MYH3: variants seen among roughly 807,000 people sequenced by gnomAD.
MYH3 encodes the protein myosin heavy chain 3.
MYH3 carries 130 observed loss-of-function variants against 238.0 expected under a neutral mutation model. The ratio of observed to expected loss-of-function variants is 0.55; its 90% CI spans 0.47 to 0.63. The LOEUF is 0.63. Ranked by LOEUF, MYH3 falls within the 30% of genes least tolerant of loss-of-function variation. MYH3 has a pLI of 0.00. For missense variants in MYH3, 1,853 were observed against 2,374.9 expected (o/e 0.78, Z 4.57); for synonymous variants, 880 against 924.1 (o/e 0.95, Z 0.86).
intron 1 of MYH3, among the ~76,000 whole-genome samples, chr17:10,656,603 G>T (rs879520502): frequency 1.6e-5 from 2 of 121,554 alleles, no homozygotes; most frequent in Non-Finnish European, 3.9e-5. Flanking sequence ...TGGAAGAGCA[G>T]ATGGGACGTG....
chr17:10,666,561 G>C, the MYH3 span, among the ~76,000 whole-genome samples: 1 of 141,820 alleles, frequency 7.1e-6, no homozygotes, highest in African/African-American at 2.6e-5. Flanking sequence ...GGGCAACAGA[G>C]TGAGACCTTG....
Position 10,633,622 on chromosome 17 carries a change from G to C in MYH3, c.4616C>G (p.Ala1539Gly). The change falls in exon 33 of 41, where the codon GCT becomes GGT. Residue 1539 changes from alanine to glycine, a missense_variant. Coordinates refer to ENST00000583535, the MANE Select transcript of MYH3 (RefSeq NM_002470.4). ...TTCCTCGAGAGCCAGCTGGATATCAGCCTTTTCCAGCTCAATCTGCTTTCT... is the reference window on the plus strand; with the variant it reads ...TTCCTCGAGAGCCAGCTGGATATCACCCTTTTCCAGCTCAATCTGCTTTCT... The part of the protein sequence containing the change: ...KSRKQIELEK[A>G]DIQLALEEAE... 1 of 1,613,734 alleles carries C rather than the reference G, an allele frequency of 6.2e-7. No homozygotes were observed. The highest frequency in any genetic ancestry group is 8.5e-7 in the Non-Finnish European group (1 of 1,179,930).
chr17:10,667,299 A>G, the MYH3 span, among the ~76,000 whole-genome samples: 1 of 152,226 alleles, frequency 6.6e-6, no homozygotes, highest in African/African-American at 2.4e-5. Flanking sequence ...CATAATAGTA[A>G]AAGATTGGAA....
At position 10,644,682 on chromosome 17, in the gene MYH3, G is replaced by T. The variant is rs2074304007; in HGVS notation, c.1162C>A (p.Leu388Met). ...GTEVADKTAY[L>M]MGLNSSDLLK... ...AGGTCCGAAGAGTTCAGGCCCATCA[G>T]ATAGGCTGTTTTGTCAGCCACTGGC... Residue 388 changes from leucine to methionine, a missense_variant, in exon 13 of 41, where the codon CTG (leucine) becomes ATG (methionine). Transcript: ENST00000583535. 1 of 1,613,850 alleles carries T rather than the reference G, an allele frequency of 6.2e-7. No homozygotes were observed. Among genetic ancestry groups the T allele is most frequent in the African/African-American group, 1.3e-5 (1 of 75,068 alleles).
At position 10,639,317 on chromosome 17, in the gene MYH3, A is replaced by T. The variant is rs773838168; in HGVS notation, c.3083T>A (p.Leu1028Gln). 6.2e-7 allele frequency: 1 copy of T among 1,614,020 alleles called. No homozygotes were observed. Among genetic ancestry groups the T allele is most frequent in the Admixed American group, 1.7e-5 (1 of 60,020 alleles). ...ACTTACGTCTTCCACTTGCTGTTCCAGTTTGCTCTTGGTTTTGTTCAAAGA... is the reference window on the plus strand; with the variant it reads ...ACTTACGTCTTCCACTTGCTGTTCCTGTTTGCTCTTGGTTTTGTTCAAAGA... Reference protein sequence around the residue: ...VNSLNKTKSKLEQQVEDLESS... With the variant: ...VNSLNKTKSKQEQQVEDLESS... Residue 1028 changes from leucine to glutamine, a missense_variant, in exon 24 of 41, where the codon CTG becomes CAG. This residue lies in a region of MYH3 where 1,044 missense variants were observed against 1,192.6 expected (regional missense o/e 0.88). Transcript: ENST00000583535.
chr17:10,628,558 G>A lies in MYH3; in HGVS notation c.*95C>T. The A allele has an allele frequency of 2.1e-6, 3 of 1,399,526 alleles. No individual in the cohort carries two copies. Among genetic ancestry groups the A allele is most frequent in the Non-Finnish European group, 3.0e-6 (3 of 984,908 alleles). The allele number at this position is 1,399,526 out of a possible 1,614,324, so 86.7% of individuals were successfully genotyped here. A position where few individuals can be genotyped will look rare whatever the true frequency, so the allele number is the denominator to read the frequency against. On this transcript the variant is annotated 3_prime_UTR_variant, in exon 41 of 41. Transcript: ENST00000583535. ...TGAAACAAAGCAAAGTTTATTGCAT[G>A]TGAAAAAGAGTCACATGGACATTAA...
At position 10,641,200 on chromosome 17, in the gene MYH3, C is replaced by G; in HGVS notation, c.2050G>C (p.Ala684Pro). 1.2e-6 allele frequency: 2 copies of G among 1,613,658 alleles called. No homozygotes were observed. The highest frequency in any genetic ancestry group is 1.3e-5 in the African/African-American group (1 of 75,030). Residue 684 changes from alanine to proline, a missense_variant and splice_region_variant, in exon 19 of 41, where the codon GCT becomes CCT. Coordinates refer to ENST00000583535, the MANE Select transcript of MYH3 (RefSeq NM_002470.4). The stretch of plus-strand genomic sequence containing the variant: ...TGCAGAACAAGGCTGTGTTCCATAG[C>G]CCCTGGGAACAGAAGCGAGATATCA... Reference protein sequence around the residue: ...IIPNETKTPGAMEHSLVLHQL... With the variant: ...IIPNETKTPGPMEHSLVLHQL...
intron 28 of MYH3, among the ~76,000 whole-genome samples, chr17:10,637,417 T>C (rs939330326): frequency 2.6e-5 from 4 of 152,138 alleles, no homozygotes; most frequent in Non-Finnish European, 5.9e-5. Context: ...TTTCTCTCTT[T>C]AGTCTCAAAA....
Position 10,641,052 on chromosome 17 carries a change from T to G in MYH3, c.2165+33A>C, listed in dbSNP as rs1453300974. On this transcript the variant is annotated intron_variant, in intron 19 of 40. Coordinates refer to ENST00000583535, the MANE Select transcript of MYH3 (RefSeq NM_002470.4). ...CAAATTCCAGTGTTCGTACATCTCA[T>G]CCCCAAGCATATAGAACATGTTTAT... The G allele has an allele frequency of 7.5e-6, 11 of 1,471,670 alleles. 1 individual carries two copies. The Admixed American group carries it at 1.8e-4, about 25-fold the overall frequency. The allele number at this position is 1,471,670 out of a possible 1,614,324, so 91.2% of individuals were successfully genotyped here.
chr17:10,641,747 C>T (rs2074275063), intron 17 of MYH3, among the ~76,000 whole-genome samples: 1 of 152,130 alleles, frequency 6.6e-6, no homozygotes, highest in African/African-American at 2.4e-5. Flanking sequence ...ATCTTCTGAC[C>T]TTGTGATCTG....
chr17:10,648,476 C>A, intron 8 of MYH3, 81 bp downstream of exon 8: 4 of 1,169,778 alleles, frequency 3.4e-6, no homozygotes, highest in South Asian at 1.2e-5. Flanking sequence ...TGCCTCTGGT[C>A]TCTACACTCT....
At chr17:10,662,784 C>T in the MYH3 span, among the ~76,000 whole-genome samples, 1 of 152,104 alleles carries the variant, frequency 6.6e-6, no homozygotes, top group African/African-American at 2.4e-5. Flanking sequence ...AGTTATTTTT[C>T]GGTAATATAA....
At chr17:10,673,377 G>A in the MYH3 span, 1 of 152,146 alleles carries the variant, frequency 6.6e-6, no homozygotes, top group African/African-American at 2.4e-5. Context: ...GTGAATGACT[G>A]TCTTGTGCTG....
chr17:10,653,131 C>T (rs561587256), intron 3 of MYH3, among the ~76,000 whole-genome samples: 10 of 152,126 alleles, frequency 6.6e-5, no homozygotes, highest in African/African-American at 2.2e-4. Context: ...AGACGGATGT[C>T]GGAAATGAGA....
chr17:10,644,296 A>G, intron 14 of MYH3, 55 bp downstream of exon 14: 1 of 1,581,330 alleles, frequency 6.3e-7, no homozygotes, highest in Non-Finnish European at 8.7e-7. Context: ...AGGATCATGA[A>G]ACCAATTTCC....
At position 10,652,485 on chromosome 17, in the gene MYH3, T is replaced by A; in HGVS notation, c.283A>T (p.Thr95Ser). 6.2e-7 allele frequency: 1 copy of A among 1,614,084 alleles called. No homozygotes were observed. Among genetic ancestry groups the A allele is most frequent in the Non-Finnish European group, 8.5e-7 (1 of 1,180,014 alleles). Residue 95 changes from threonine to serine, a missense_variant, in exon 4 of 41, where the codon ACG (threonine) becomes TCG (serine). Around this residue, in one of 3 missense-constraint regions of MYH3, gnomAD observed 131 missense variants for 123.5 expected, o/e 1.06. Transcript: ENST00000583535. Reference sequence around the variant, plus strand: ...AGCACGGCTGGCTCATTCAGGTGCGTCAGCATGGCCATGTCTTCGATCCTG... The same window carrying A: ...AGCACGGCTGGCTCATTCAGGTGCGACAGCATGGCCATGTCTTCGATCCTG... ...FDRIEDMAML[T>S]HLNEPAVLYN... is the part of the protein sequence containing the mutation.
At chr17:10,665,486 T>C in the MYH3 span, among the ~76,000 whole-genome samples, 2 of 152,160 alleles carry the variant, frequency 1.3e-5, no homozygotes, top group African/African-American at 4.8e-5. Context: ...AAAGCAGCGA[T>C]TTCAAACCTG....
upstream of MYH3, chr17:10,657,395 G>A (rs137977077): frequency 6.6e-6 from 1 of 152,438 alleles, no homozygotes; most frequent in East Asian, 1.9e-4. Flanking sequence ...AAGAGGATGA[G>A]TGGCCCCCCC....
chr17:10,646,090 T>G, intron 10 of MYH3, 58 bp from the exon 11 acceptor site: 2 of 1,442,580 alleles, frequency 1.4e-6, no homozygotes, highest in Non-Finnish European at 1.9e-6. Context: ...ACCCACCCAG[T>G]GGACTTGAGC....
Sources: gnomAD v4.1 joint callset for allele counts (sites outside exome capture counted in the v4.1 genomes callset) on GRCh38, gnomAD v4.1.1 for gene constraint, gnomAD v4.1.1 regional missense constraint, MANE v1.5 for transcripts, NCBI Gene and HGNC (gene_info 2026-07-23, HGNC 2026-07-21) for gene names.